SEMA6D: variants seen among roughly 807,000 people sequenced by gnomAD.
The protein encoded by SEMA6D is semaphorin 6D.
Under a neutral mutation model 106.6 loss-of-function variants are expected in SEMA6D, and 35 were observed. The observed-to-expected ratio is 0.33, with a 90% CI of 0.25 to 0.44. SEMA6D has a LOEUF of 0.44. Ranked by LOEUF, SEMA6D falls within the 20% of genes least tolerant of loss-of-function variation. The pLI, the probability that SEMA6D is intolerant of heterozygous loss-of-function variation, is 1.00. For synonymous variants in SEMA6D, 499 were observed against 487.7 expected (o/e 1.02, Z -0.31); for missense variants, 1,185 against 1,345.9 (o/e 0.88, Z 1.87).
chr15:47,600,736 A>G (rs2076636220), intron 3 of SEMA6D: 1 of 152,194 alleles, frequency 6.6e-6, no homozygotes, highest in Admixed American at 6.5e-5. Flanking sequence ...GATACATAAA[A>G]TTAGAGAATG....
chr15:47,231,386 C>G (rs553475467), intron 1 of SEMA6D, among the ~76,000 whole-genome samples: 1 of 151,920 alleles, frequency 6.6e-6, no homozygotes, highest in African/African-American at 2.4e-5. Flanking sequence ...TCCATCCATT[C>G]CTCTTTCTTA....
intron 1 of SEMA6D, among the ~76,000 whole-genome samples, chr15:47,724,013 G>A (rs1313785602): frequency 6.6e-6 from 1 of 152,184 alleles, no homozygotes; most frequent in African/African-American, 2.4e-5. Context: ...CCAGGAGCAG[G>A]CTGTCAGCAA....
chr15:47,729,799 A>C (rs2146627429), intron 1 of SEMA6D, among the ~76,000 whole-genome samples: 1 of 152,338 alleles, frequency 6.6e-6, no homozygotes, highest in South Asian at 2.1e-4. Context: ...GTTTAATGTA[A>C]CTTTAAAGTT....
At chr15:47,372,432 G>A (rs1304038235) in intron 1 of SEMA6D, among the ~76,000 whole-genome samples, 2 of 152,222 alleles carry the variant, frequency 1.3e-5, no homozygotes, top group African/African-American at 4.8e-5. Flanking sequence ...TGCAAAGGTA[G>A]AACTGGACCT....
intron 1 of SEMA6D, among the ~76,000 whole-genome samples, chr15:47,739,261 AT>A: frequency 6.6e-6 from 1 of 152,346 alleles, no homozygotes; most frequent in Admixed American, 6.5e-5. Context: ...GAAAAACTAG[AT>A]AGTTGGAGCA....
chr15:47,212,272 T>G (rs1426756213), intron 1 of SEMA6D, among the ~76,000 whole-genome samples: 3 of 152,226 alleles, frequency 2.0e-5, no homozygotes, highest in African/African-American at 4.8e-5. Context: ...AGTGCATCTC[T>G]TCACTGACTG....
intron 4 of SEMA6D, among the ~76,000 whole-genome samples, chr15:47,665,866 A>G (rs2078016091): frequency 6.6e-6 from 1 of 152,244 alleles, no homozygotes; most frequent in South Asian, 2.1e-4. Context: ...ATAACTAGTC[A>G]GCATTAGATC....
chr15:47,483,209 A>T (rs2043202599), intron 3 of SEMA6D, among the ~76,000 whole-genome samples: 2 of 152,154 alleles, frequency 1.3e-5, no homozygotes, highest in South Asian at 4.1e-4. Context: ...GGAAAACCTC[A>T]TACAACTTGA....
intron 2 of SEMA6D, among the ~76,000 whole-genome samples, chr15:47,422,374 T>G (rs1285502071): frequency 6.6e-6 from 1 of 152,018 alleles, no homozygotes; most frequent in Non-Finnish European, 1.5e-5. Context: ...AACAGATAAG[T>G]TTCCAAGCTC....
chr15:47,446,380 T>C (rs908956155), intron 2 of SEMA6D, among the ~76,000 whole-genome samples: 1 of 152,162 alleles, frequency 6.6e-6, no homozygotes, highest in Non-Finnish European at 1.5e-5. Flanking sequence ...TATATTTGTG[T>C]TAGTGCACAT....
intron 1 of SEMA6D, among the ~76,000 whole-genome samples, chr15:47,238,823 C>A (rs1013736656): frequency 6.6e-6 from 1 of 152,152 alleles, no homozygotes; most frequent in Non-Finnish European, 1.5e-5. Context: ...ATGAGAACTT[C>A]CATTTCAAGC....
chr15:47,235,022 T>C (rs2032449761), intron 1 of SEMA6D, among the ~76,000 whole-genome samples: 1 of 152,040 alleles, frequency 6.6e-6, no homozygotes, highest in Admixed American at 6.6e-5. Context: ...GTTTTTTGAC[T>C]TTTTAATAAT....
intron 3 of SEMA6D, among the ~76,000 whole-genome samples, chr15:47,569,309 C>G (rs1305690952): frequency 3.3e-5 from 5 of 152,166 alleles, no homozygotes; most frequent in Non-Finnish European, 1.5e-5. Context: ...CTGGCTCTCC[C>G]TTTCTGCCCT....
intron 3 of SEMA6D, among the ~76,000 whole-genome samples, chr15:47,558,139 T>G (rs1231741952): frequency 6.6e-6 from 1 of 152,144 alleles, no homozygotes; most frequent in East Asian, 1.9e-4. Context: ...TCGTGGTAGA[T>G]CATCTGTAAT....
At chr15:47,501,433 T>TG (rs1390114885) in intron 3 of SEMA6D, among the ~76,000 whole-genome samples, 2 of 152,190 alleles carry the variant, frequency 1.3e-5, no homozygotes, top group Admixed American at 6.5e-5. Flanking sequence ...GCAATGGACT[T>TG]GGGGGAAAGA....
chr15:47,225,042 A>G (rs1378526365), intron 1 of SEMA6D, among the ~76,000 whole-genome samples: 1 of 151,874 alleles, frequency 6.6e-6, no homozygotes, highest in Non-Finnish European at 1.5e-5. Context: ...CCCAATCTTG[A>G]GCAGAGTAGA....
intron 1 of SEMA6D, among the ~76,000 whole-genome samples, chr15:47,731,650 A>T (rs2080130354): frequency 6.6e-6 from 1 of 152,202 alleles, no homozygotes. Flanking sequence ...TCCAATGCAT[A>T]AAAAAACTTG....
At chr15:47,276,623 A>G (rs2034828706) in intron 1 of SEMA6D, among the ~76,000 whole-genome samples, 2 of 152,160 alleles carry the variant, frequency 1.3e-5, no homozygotes, top group African/African-American at 2.4e-5. Context: ...GCTCAGAAAA[A>G]AAGATTCACT....
chr15:47,742,731 C>T, intron 1 of SEMA6D, among the ~76,000 whole-genome samples: 1 of 152,196 alleles, frequency 6.6e-6, no homozygotes, highest in Non-Finnish European at 1.5e-5. Context: ...AAGAAACCCA[C>T]AGGTCCCTCC....
Sources: gnomAD v4.1 joint callset for allele counts (sites outside exome capture counted in the v4.1 genomes callset) on GRCh38, gnomAD v4.1.1 for gene constraint, MANE v1.5 for transcripts, NCBI Gene and HGNC (gene_info 2026-07-23, HGNC 2026-07-21) for gene names.